The following LEPROTL1 variants were observed in gnomAD, a reference collection of about 807,000 sequenced individuals.
LEPROTL1 encodes the protein leptin receptor overlapping transcript-like 1.
LEPROTL1 carries 6 observed loss-of-function variants against 15.4 expected under a neutral mutation model. The ratio of observed to expected loss-of-function variants is 0.39; its 90% CI spans 0.21 to 0.77. The LOEUF (loss-of-function observed/expected upper bound fraction) is 0.77, where lower values mean the gene tolerates loss of function less well. Ranked by LOEUF, LEPROTL1 falls within the 30% of genes least tolerant of loss-of-function variation. LEPROTL1 has a pLI of 0.41. For synonymous variants in LEPROTL1, 56 were observed against 52.6 expected, an observed-to-expected ratio of 1.06 and a Z score of -0.28; for missense variants, 128 against 158.1, an observed-to-expected ratio of 0.81 and a Z score of 1.02.
chr8:30,126,696 G>A (rs1192421279), intron 3 of LEPROTL1, among the ~76,000 whole-genome samples: 2 of 152,154 alleles, frequency 1.3e-5, no homozygotes, highest in South Asian at 2.1e-4. Context: ...TAAGAAGGAG[G>A]CCAGCCCAGC....
intron 1 of LEPROTL1, among the ~76,000 whole-genome samples, chr8:30,100,883 G>T (rs774753814): frequency 6.6e-6 from 1 of 150,990 alleles, no homozygotes; most frequent in African/African-American, 2.4e-5. Context: ...GTGTGCGCGC[G>T]TAGCTTTAGA....
At chr8:30,102,562 G>C (rs1802486278) in intron 2 of LEPROTL1, among the ~76,000 whole-genome samples, 1 of 151,254 alleles carries the variant, frequency 6.6e-6, no homozygotes, top group Admixed American at 6.6e-5. Context: ...TGAGGCAGGA[G>C]AATCGCCTGA....
chr8:30,099,233 T>C (rs1033750100), intron 1 of LEPROTL1, among the ~76,000 whole-genome samples: 8 of 152,170 alleles, frequency 5.3e-5, no homozygotes, highest in Non-Finnish European at 7.4e-5. Context: ...AGGTGCTCCA[T>C]AGATGTTTGT....
intron 3 of LEPROTL1, chr8:30,132,245 A>G: frequency 6.4e-7 from 1 of 1,551,820 alleles, no homozygotes; most frequent in Non-Finnish European, 8.7e-7. Context: ...CCATGCCACC[A>G]GGCAGAGAAG....
intron 3 of LEPROTL1, among the ~76,000 whole-genome samples, chr8:30,119,887 G>T (rs534353053): frequency 2.0e-5 from 3 of 152,202 alleles, no homozygotes; most frequent in Admixed American, 6.5e-5. Context: ...TGGCCAACAT[G>T]GCAAAATGCC....
At chr8:30,110,938 C>T (rs1186664624), downstream of LEPROTL1, among the ~76,000 whole-genome samples, 3 of 152,112 alleles carry the variant, frequency 2.0e-5, no homozygotes, top group Non-Finnish European at 4.4e-5. Flanking sequence ...ATCTTTTTCT[C>T]TTGGTAGATC....
Position 30,106,439 on chromosome 8 carries a change from G to T in LEPROTL1, c.*577G>T. On this transcript the variant is annotated 3_prime_UTR_variant, in exon 4 of 4. Transcript: ENST00000321250. Reference sequence around the variant, plus strand: ...TACCTCAGAGGGGCCAAGTGTTAATGCCCATGCCCTCCGTTAAGGGTTGTT... The same window carrying T: ...TACCTCAGAGGGGCCAAGTGTTAATTCCCATGCCCTCCGTTAAGGGTTGTT... 2 of 985,810 alleles carry T rather than the reference G, an allele frequency of 2.0e-6. No homozygotes were observed. Among genetic ancestry groups the T allele is most frequent in the Non-Finnish European group, 2.4e-6 (2 of 829,920 alleles). 61.1% of individuals were successfully genotyped at this position (985,810 alleles called of 1,614,324 possible). A position where few individuals can be genotyped will look rare whatever the true frequency, so the allele number is the denominator to read the frequency against.
At chr8:30,103,630 A>G (rs1404680162) in intron 2 of LEPROTL1, among the ~76,000 whole-genome samples, 1 of 151,634 alleles carries the variant, frequency 6.6e-6, no homozygotes, top group Admixed American at 6.6e-5. Context: ...AATCCCAGCT[A>G]GTCACGGGGG....
chr8:30,097,193 C>A (rs1283840055), intron 1 of LEPROTL1, among the ~76,000 whole-genome samples: 1 of 152,140 alleles, frequency 6.6e-6, no homozygotes, highest in Admixed American at 6.5e-5. Flanking sequence ...ATTTAAGAAA[C>A]AGCTTATATA....
At chr8:30,131,604 A>G (rs1434530152) in intron 3 of LEPROTL1, among the ~76,000 whole-genome samples, 1 of 152,194 alleles carries the variant, frequency 6.6e-6, no homozygotes, top group African/African-American at 2.4e-5. Flanking sequence ...GGTCAACTGA[A>G]CATTCAATTT....
intron 3 of LEPROTL1, among the ~76,000 whole-genome samples, chr8:30,119,012 C>A (rs747509142): frequency 1.3e-5 from 2 of 152,108 alleles, no homozygotes; most frequent in Non-Finnish European, 2.9e-5. Flanking sequence ...TCCCATCCCC[C>A]GAGGCCATAT....
chr8:30,097,696 TATACACACAC>T (rs1802393823), intron 1 of LEPROTL1, among the ~76,000 whole-genome samples: 1 of 108,984 alleles, frequency 9.2e-6, no homozygotes, highest in African/African-American at 3.4e-5. Context: ...TATATATATA[TATACACACAC>T]ACACACACAC....
At chr8:30,114,122 CAT>C (rs938776564) in intron 3 of LEPROTL1, among the ~76,000 whole-genome samples, 6 of 152,092 alleles carry the variant, frequency 3.9e-5, no homozygotes, top group Admixed American at 1.3e-4. Context: ...TTCAAAGACA[CAT>C]AGTATAATCT....
chr8:30,117,061 G>GT (rs1032344105), intron 3 of LEPROTL1, among the ~76,000 whole-genome samples: 27 of 151,196 alleles, frequency 1.8e-4, no homozygotes, highest in Non-Finnish European at 2.4e-4. Context: ...GGAAAAAAAT[G>GT]TTTTTTTTTC....
intron 3 of LEPROTL1, among the ~76,000 whole-genome samples, chr8:30,118,866 T>TC (rs2117510132): frequency 6.6e-6 from 1 of 152,244 alleles, no homozygotes; most frequent in African/African-American, 2.4e-5. Context: ...GATTTATGCT[T>TC]CTCTCCACCC....
At chr8:30,129,686 G>C (rs1411027906) in intron 3 of LEPROTL1, among the ~76,000 whole-genome samples, 2 of 149,070 alleles carry the variant, frequency 1.3e-5, no homozygotes, top group Non-Finnish European at 3.0e-5. Flanking sequence ...CTGCACTCCA[G>C]CCTGGGTGAC....
In LEPROTL1 at chr8:30,106,036, G is replaced by A; in HGVS notation, c.*174G>A. 2 of 1,163,958 alleles carry A rather than the reference G, an allele frequency of 1.7e-6. No homozygotes were observed. The highest frequency in any genetic ancestry group is 2.1e-6 in the Non-Finnish European group (2 of 938,716). 72.1% of individuals were successfully genotyped at this position (1,163,958 alleles called of 1,614,324 possible). On this transcript the variant is annotated 3_prime_UTR_variant, in exon 4 of 4. Transcript: ENST00000321250. Reference sequence around the variant, plus strand: ...ACTATTTTCACAGAGACTTGCTGAAGGATTAAAAGGATTTTCTCTTTTGGA... The same window carrying A: ...ACTATTTTCACAGAGACTTGCTGAAAGATTAAAAGGATTTTCTCTTTTGGA...
rs566005702 is a variant in LEPROTL1, at chr8:30,123,180, G to A, written c.280-9195G>A. The stretch of plus-strand genomic sequence containing the variant: ...TTTCTTACATCCATTCCAAGAGTGT[G>A]AATCATCCCAAGAAAACCAGTCAGA... On this transcript the variant is annotated intron_variant, in intron 3 of 4. Coordinates refer to the LEPROTL1 transcript ENST00000442880. 4.6e-5 allele frequency among the ~76,000 whole-genome samples: 7 copies of A among 152,258 alleles called. 1 individual carries two copies. In the South Asian group the frequency reaches 1.2e-3, roughly 27 times the overall value.
exon 4 of LEPROTL1, chr8:30,132,476 A>C: frequency 6.4e-7 from 1 of 1,551,766 alleles, no homozygotes; most frequent in East Asian, 2.4e-5. Flanking sequence ...TCCAGGATCC[A>C]GTGGGAGTAG....
Sources: gnomAD v4.1 joint callset for allele counts (sites outside exome capture counted in the v4.1 genomes callset) on GRCh38, gnomAD v4.1.1 for gene constraint, MANE v1.5 for transcripts, NCBI Gene and HGNC (gene_info 2026-07-23, HGNC 2026-07-21) for gene names.